Variants in DNAJC1 observed in about 807,000 individuals in gnomAD.
DNAJC1 encodes dnaJ homolog subfamily C member 1.
DNAJC1 carries 58 observed loss-of-function variants against 76.6 expected under a neutral mutation model. The observed-to-expected ratio is 0.76, with a 90% CI of 0.61 to 0.94. The LOEUF is 0.94. Among genes scored for constraint, DNAJC1 ranks in the 40% least tolerant of loss-of-function variants. DNAJC1 has a pLI of 0.00. For synonymous variants in DNAJC1, 258 were observed against 267.9 expected (o/e 0.96, Z 0.36); for missense variants, 689 against 677.3 (o/e 1.02, Z -0.19).
Position 21,912,855 on chromosome 10 carries a change from T to C in DNAJC1, c.729+5924A>G, listed in dbSNP as rs557608967. Among the ~76,000 whole-genome samples, 3 of 152,140 alleles carry C rather than the reference T, an allele frequency of 2.0e-5. No individual in the cohort carries two copies. The East Asian group carries it at 5.8e-4, about 29-fold the overall frequency. On this transcript the variant is annotated intron_variant, in intron 6 of 11. Coordinates refer to ENST00000376980, the MANE Select transcript of DNAJC1 (RefSeq NM_022365.4). ...AGGGGCTAGAAAGGAAGGGCCCTAATTGTCAGGGAGGGTGACCTCCAGGCT... is the reference window on the plus strand; with the variant it reads ...AGGGGCTAGAAAGGAAGGGCCCTAACTGTCAGGGAGGGTGACCTCCAGGCT...
At chr10:22,000,536 G>A (rs781510047) in intron 1 of DNAJC1, among the ~76,000 whole-genome samples, 8 of 152,172 alleles carry the variant, frequency 5.3e-5, no homozygotes, top group Non-Finnish European at 7.3e-5. Context: ...TTCCTCAAAC[G>A]CTAAGCAAGC....
chr10:21,793,280 T>C (rs1161972954), intron 9 of DNAJC1, among the ~76,000 whole-genome samples: 1 of 152,206 alleles, frequency 6.6e-6, no homozygotes, highest in Non-Finnish European at 1.5e-5. Flanking sequence ...CTCTCCAGCC[T>C]GGGCAACTGG....
intron 6 of DNAJC1, among the ~76,000 whole-genome samples, chr10:21,908,163 A>T (rs1202150805): frequency 4.7e-5 from 5 of 105,772 alleles, no homozygotes; most frequent in African/African-American, 2.1e-4. Flanking sequence ...AATATATAAA[A>T]ATATATAATA....
chr10:21,811,394 C>T (rs559250049), intron 8 of DNAJC1, among the ~76,000 whole-genome samples: 1 of 152,094 alleles, frequency 6.6e-6, no homozygotes, highest in Non-Finnish European at 1.5e-5. Flanking sequence ...TTGAATGGGG[C>T]CCCTTTTAAG....
At chr10:21,885,276 T>C (rs1836352819) in intron 7 of DNAJC1, among the ~76,000 whole-genome samples, 1 of 152,054 alleles carries the variant, frequency 6.6e-6, no homozygotes, top group African/African-American at 2.4e-5. Context: ...AGGGTTCAAT[T>C]CAACAAGACT....
chr10:21,863,862 C>T (rs1835953946), intron 8 of DNAJC1, among the ~76,000 whole-genome samples: 1 of 152,100 alleles, frequency 6.6e-6, no homozygotes, highest in Non-Finnish European at 1.5e-5. Flanking sequence ...AAAGCCTGCA[C>T]CTAACATAAT....
chr10:21,796,383 C>T (rs1201081008), intron 9 of DNAJC1, among the ~76,000 whole-genome samples: 1 of 152,154 alleles, frequency 6.6e-6, no homozygotes, highest in African/African-American at 2.4e-5. Context: ...GGCTACTGTG[C>T]ATAATGGTGC....
intron 8 of DNAJC1, among the ~76,000 whole-genome samples, chr10:21,839,925 T>A (rs1410398093): frequency 2.0e-5 from 3 of 152,198 alleles, no homozygotes. Context: ...GCTTCATCCC[T>A]GGGATGCAAG....
chr10:21,774,855 C>A (rs1316725202), intron 9 of DNAJC1, among the ~76,000 whole-genome samples: 1 of 152,196 alleles, frequency 6.6e-6, no homozygotes, highest in Non-Finnish European at 1.5e-5. Flanking sequence ...ATTCCAATGG[C>A]ACATGGGGAT....
intron 8 of DNAJC1, among the ~76,000 whole-genome samples, chr10:21,811,532 G>C (rs1307344838): frequency 3.9e-5 from 6 of 152,150 alleles, no homozygotes; most frequent in Non-Finnish European, 7.3e-5. Context: ...GTAATGACTT[G>C]AAATGGTAAA....
intron 9 of DNAJC1, among the ~76,000 whole-genome samples, chr10:21,782,317 T>C (rs554325951): frequency 6.6e-6 from 1 of 152,192 alleles, no homozygotes; most frequent in South Asian, 2.1e-4. Flanking sequence ...CCTGGACACA[T>C]AAACCCTCCC....
chr10:21,822,455 AAATAAATG>A (rs1041333128), intron 8 of DNAJC1, among the ~76,000 whole-genome samples: 13 of 37,338 alleles, frequency 3.5e-4, no homozygotes, highest in East Asian at 1.6e-3. Context: ...ATAAATAAAT[AAATAAATG>A]AATAATAAAA....
chr10:21,800,680 C>T (rs765747773), intron 9 of DNAJC1, among the ~76,000 whole-genome samples: 5 of 152,118 alleles, frequency 3.3e-5, no homozygotes, highest in Non-Finnish European at 5.9e-5. Flanking sequence ...GTAGATTAAT[C>T]CTATTAAAAT....
chr10:21,861,516 G>A (rs2793352), intron 8 of DNAJC1, among the ~76,000 whole-genome samples: 98,530 of 151,944 alleles, frequency 0.65, 32,392 homozygotes, highest in East Asian at 0.95. Context: ...ATAAAATGAG[G>A]CTGAGACCTA....
intron 1 of DNAJC1, among the ~76,000 whole-genome samples, chr10:21,957,849 T>C (rs898389715): frequency 2.6e-5 from 4 of 152,214 alleles, no homozygotes; most frequent in Admixed American, 2.0e-4. Flanking sequence ...TATGTGTACA[T>C]GTAGAAATGT....
intron 9 of DNAJC1, among the ~76,000 whole-genome samples, chr10:21,792,205 AC>A (rs993053230): frequency 2.6e-5 from 4 of 152,238 alleles, no homozygotes. Flanking sequence ...TAACTTAAAA[AC>A]AAATGAATTA....
chr10:21,786,457 TATATATAG>T (rs1479138526), intron 9 of DNAJC1, among the ~76,000 whole-genome samples: 72 of 44,408 alleles, frequency 1.6e-3, no homozygotes, highest in African/African-American at 4.2e-3. Flanking sequence ...TATATATATA[TATATATAG>T]AGAGAGAGAG....
At chr10:21,880,241 T>A (rs972087822) in intron 8 of DNAJC1, among the ~76,000 whole-genome samples, 1 of 152,214 alleles carries the variant, frequency 6.6e-6, no homozygotes, top group Non-Finnish European at 1.5e-5. Flanking sequence ...TTTCCTCCAA[T>A]GAAATCTTGA....
At chr10:21,908,148 T>G (rs11012825) in intron 6 of DNAJC1, among the ~76,000 whole-genome samples, 1 of 107,734 alleles carries the variant, frequency 9.3e-6, no homozygotes, top group Non-Finnish European at 1.7e-5. Context: ...AAATATATAA[T>G]ATATAATATA....
Sources: allele counts gnomAD v4.1 joint callset (sites outside exome capture counted in the v4.1 genomes callset), GRCh38; gene constraint gnomAD v4.1.1; transcripts MANE v1.5; gene names NCBI Gene and HGNC (gene_info 2026-07-23, HGNC 2026-07-21).